TMTC2: variants seen among roughly 807,000 people sequenced by gnomAD.
TMTC2 encodes transmembrane O-mannosyltransferase targeting cadherins 2, also known as protein O-mannosyl-transferase TMTC2.
A neutral mutation model predicts 82.4 loss-of-function variants in TMTC2; 43 were observed. That is an observed-to-expected ratio of 0.52 (90% CI 0.41 to 0.67). TMTC2 has a LOEUF of 0.67. Ranked by LOEUF, TMTC2 falls within the 30% of genes least tolerant of loss-of-function variation. TMTC2 has a pLI of 0.00. For synonymous variants in TMTC2, 408 were observed against 381.9 expected (o/e 1.07, Z -0.80); for missense variants, 919 against 1,012.4 (o/e 0.91, Z 1.25).
At chr12:82,899,247 A>C (rs1873836800) in intron 3 of TMTC2, among the ~76,000 whole-genome samples, 1 of 152,076 alleles carries the variant, frequency 6.6e-6, no homozygotes, top group African/African-American at 2.4e-5. Flanking sequence ...CTCATGGCCC[A>C]GTCAACTGCC....
intron 11 of TMTC2, among the ~76,000 whole-genome samples, chr12:83,093,309 C>G (rs573046004): frequency 2.4e-4 from 36 of 152,198 alleles, no homozygotes; most frequent in African/African-American, 8.7e-4. Context: ...ATGTTCTGCC[C>G]TTGTCTGAAC....
chr12:82,869,031 C>A (rs1872028727), intron 2 of TMTC2, among the ~76,000 whole-genome samples: 1 of 152,070 alleles, frequency 6.6e-6, no homozygotes, highest in Admixed American at 6.6e-5. Flanking sequence ...GTAACTTTGG[C>A]TTACTGAGAC....
intron 11 of TMTC2, among the ~76,000 whole-genome samples, chr12:83,103,946 G>A (rs796392006): frequency 2.6e-5 from 4 of 152,296 alleles, no homozygotes; most frequent in African/African-American, 9.6e-5. Context: ...TAGGCATTGC[G>A]TAAACATTCC....
chr12:82,855,529 G>A (rs1159347561), intron 1 of TMTC2, among the ~76,000 whole-genome samples: 2 of 152,090 alleles, frequency 1.3e-5, no homozygotes, highest in Non-Finnish European at 2.9e-5. Context: ...ATCAGACTAG[G>A]CAAGAGTTTT....
At chr12:82,924,350 A>G (rs12316517) in intron 3 of TMTC2, among the ~76,000 whole-genome samples, 149 of 152,320 alleles carry the variant, frequency 9.8e-4, no homozygotes, top group African/African-American at 3.5e-3. Context: ...TCATATAGCA[A>G]GAGAGGAGGA....
intron 1 of TMTC2, among the ~76,000 whole-genome samples, chr12:82,744,025 G>C (rs1875550909): frequency 6.6e-6 from 1 of 152,194 alleles, no homozygotes. Context: ...TTTAATCCCT[G>C]TGCTCTGGGA....
chr12:82,750,298 A>G (rs1019379648), intron 1 of TMTC2, among the ~76,000 whole-genome samples: 4 of 151,708 alleles, frequency 2.6e-5, no homozygotes, highest in Non-Finnish European at 4.4e-5. Context: ...AATGCTGGCC[A>G]TATCAAGCAG....
intron 11 of TMTC2, among the ~76,000 whole-genome samples, chr12:83,106,436 T>C (rs1036301314): frequency 1.3e-5 from 2 of 148,702 alleles, no homozygotes; most frequent in African/African-American, 5.0e-5. Flanking sequence ...GAGGCGGAGG[T>C]TGCAGTGAGC....
At chr12:83,041,810 C>T (rs1446725651) in intron 9 of TMTC2, among the ~76,000 whole-genome samples, 1 of 152,172 alleles carries the variant, frequency 6.6e-6, no homozygotes, top group Non-Finnish European at 1.5e-5. Flanking sequence ...AGTACACGCT[C>T]ACTTAACTGG....
chr12:82,978,063 T>A (rs1163938690), intron 7 of TMTC2, among the ~76,000 whole-genome samples: 1 of 151,834 alleles, frequency 6.6e-6, no homozygotes, highest in African/African-American at 2.4e-5. Flanking sequence ...TATAATTCTT[T>A]CAGTCTTATA....
chr12:83,045,707 T>TCACACACA lies in TMTC2; in HGVS notation c.2153-5185_2153-5178dup, dbSNP rs143555229. On this transcript the variant is annotated intron_variant, in intron 9 of 11. Coordinates refer to ENST00000321196, the MANE Select transcript of TMTC2 (RefSeq NM_152588.3). ...GCTTATAGGGCAGGAAAGGGCTCCT[T>TCACACACA]CACACACACACACACACACGCACAC... Among the ~76,000 whole-genome samples, 289 of 122,768 alleles carry TCACACACA rather than the reference T, an allele frequency of 2.4e-3. 10 individuals are homozygous for TCACACACA. The highest frequency in any genetic ancestry group is 7.6e-3 in the African/African-American group (227 of 29,852). 80.5% of individuals were successfully genotyped at this position (122,768 alleles called of 152,430 possible). A position where few individuals can be genotyped will look rare whatever the true frequency, so the allele number is the denominator to read the frequency against.
intron 11 of TMTC2, among the ~76,000 whole-genome samples, chr12:83,113,202 G>A (rs966048014): frequency 6.6e-6 from 1 of 152,076 alleles, no homozygotes; most frequent in Non-Finnish European, 1.5e-5. Flanking sequence ...GAGACAGGAA[G>A]GTAAGGACGT....
intron 11 of TMTC2, among the ~76,000 whole-genome samples, chr12:83,089,170 A>T (rs1565883917): frequency 6.6e-6 from 1 of 152,220 alleles, no homozygotes; most frequent in East Asian, 1.9e-4. Flanking sequence ...TCAAGATGGC[A>T]TCACCCTTGC....
chr12:83,081,134 A>G (rs934420685), intron 11 of TMTC2, among the ~76,000 whole-genome samples: 5 of 152,214 alleles, frequency 3.3e-5, no homozygotes, highest in Admixed American at 2.0e-4. Flanking sequence ...TAAAGTTTGC[A>G]TCTTCAACAG....
At chr12:82,810,681 T>C (rs556834579) in intron 1 of TMTC2, among the ~76,000 whole-genome samples, 1 of 152,188 alleles carries the variant, frequency 6.6e-6, no homozygotes, top group Non-Finnish European at 1.5e-5. Flanking sequence ...TCATCTCGAA[T>C]TGTAATCCCC....
At chr12:82,696,555 A>G (rs1336753377) in intron 1 of TMTC2, among the ~76,000 whole-genome samples, 1 of 152,124 alleles carries the variant, frequency 6.6e-6, no homozygotes, top group Non-Finnish European at 1.5e-5. Context: ...CCACATTAAG[A>G]TTGCTTCCTT....
At chr12:82,999,913 C>T (rs141514792) in intron 8 of TMTC2, among the ~76,000 whole-genome samples, 2,486 of 152,294 alleles carry the variant, frequency 0.016, 68 homozygotes, top group African/African-American at 0.057. Flanking sequence ...CTCCCAAAGT[C>T]TTAACTCATT....
intron 1 of TMTC2, among the ~76,000 whole-genome samples, chr12:82,807,328 T>G (rs993727198): frequency 2.6e-5 from 4 of 152,076 alleles, no homozygotes; most frequent in Non-Finnish European, 5.9e-5. Context: ...TAAACCAGAG[T>G]GTGAGGAACA....
intron 8 of TMTC2, among the ~76,000 whole-genome samples, chr12:83,026,716 G>GTA (rs1881196718): frequency 6.8e-6 from 1 of 148,038 alleles, no homozygotes; most frequent in Non-Finnish European, 1.5e-5. Context: ...GTGTGTGTGT[G>GTA]TGTGTGTGTG....
Sources: gnomAD v4.1 joint callset for allele counts (sites outside exome capture counted in the v4.1 genomes callset) on GRCh38, gnomAD v4.1.1 for gene constraint, MANE v1.5 for transcripts, NCBI Gene and HGNC (gene_info 2026-07-23, HGNC 2026-07-21) for gene names.